The following GPC3 variants were observed in gnomAD, a reference collection of about 807,000 sequenced individuals.
GPC3 encodes glypican-3.
A neutral mutation model predicts 34.4 loss-of-function variants in GPC3; 3 were observed. The observed-to-expected ratio is 0.09, with a 90% CI of 0.04 to 0.23. The LOEUF (loss-of-function observed/expected upper bound fraction) is 0.23. Ranked by LOEUF, GPC3 falls within the 10% of genes least tolerant of loss-of-function variation. The pLI, the probability that GPC3 is intolerant of heterozygous loss-of-function variation, is 1.00. For synonymous variants in GPC3, 177 were observed against 174.0 expected, an observed-to-expected ratio of 1.02 and a Z score of -0.13; for missense variants, 351 against 445.6, an observed-to-expected ratio of 0.79 and a Z score of 1.91.
intron 6 of GPC3, among the ~76,000 whole-genome samples, chrX:133,631,527 G>C (rs1385858797): frequency 9.0e-6 from 1 of 111,599 alleles, no homozygotes; most frequent in Non-Finnish European, 1.9e-5. Flanking sequence ...CTGCTATTAT[G>C]CCAATAACTT....
chrX:133,945,378 G>A (rs758045839), intron 2 of GPC3, among the ~76,000 whole-genome samples: 55 of 110,976 alleles, frequency 5.0e-4, no homozygotes, highest in Non-Finnish European at 5.3e-4. Context: ...GCAACAGAGC[G>A]AGAATCTGTC....
intron 2 of GPC3, among the ~76,000 whole-genome samples, chrX:133,887,170 C>T (rs906125987): frequency 1.8e-4 from 20 of 112,001 alleles, no homozygotes; most frequent in African/African-American, 6.5e-4. Flanking sequence ...CCAGTCCTGG[C>T]TAATTTGTGT....
intron 2 of GPC3, among the ~76,000 whole-genome samples, chrX:133,777,221 C>T (rs1221358970): frequency 9.0e-6 from 1 of 110,823 alleles, no homozygotes; most frequent in Non-Finnish European, 1.9e-5. Flanking sequence ...GGTTTCAACC[C>T]CTCTTTCTCC....
chrX:133,820,666 G>A (rs1382728274), intron 2 of GPC3, among the ~76,000 whole-genome samples: 1 of 111,561 alleles, frequency 9.0e-6, no homozygotes, highest in African/African-American at 3.3e-5. Context: ...GAGAAAATGG[G>A]AGGAAGTCCA....
chrX:133,895,024 G>A (rs1182691889), intron 2 of GPC3, among the ~76,000 whole-genome samples: 1 of 112,305 alleles, frequency 8.9e-6, no homozygotes, highest in East Asian at 2.8e-4. Context: ...TATGCTAAGT[G>A]TTAAGGATAC....
At chrX:133,680,352 C>T (rs932246230) in intron 5 of GPC3, among the ~76,000 whole-genome samples, 3 of 111,544 alleles carry the variant, frequency 2.7e-5, no homozygotes, top group Admixed American at 9.5e-5. Context: ...GCTCTAGGCC[C>T]GAAGCTGTGA....
chrX:133,879,620 A>G (rs2076032540), intron 2 of GPC3, among the ~76,000 whole-genome samples: 2 of 110,488 alleles, frequency 1.8e-5, no homozygotes, highest in South Asian at 7.8e-4. Context: ...GCCTTGGCCA[A>G]CATGGTGAAA....
intron 6 of GPC3, among the ~76,000 whole-genome samples, chrX:133,641,487 A>C (rs769275798): frequency 9.0e-6 from 1 of 110,653 alleles, no homozygotes; most frequent in African/African-American, 3.3e-5. Flanking sequence ...GAAAAAAAAA[A>C]CGTCAGGAAA....
intron 1 of GPC3, among the ~76,000 whole-genome samples, chrX:133,954,969 G>C (rs771748753): frequency 2.5e-4 from 27 of 109,760 alleles, no homozygotes; most frequent in African/African-American, 8.3e-4. Flanking sequence ...GGCTGGTCTC[G>C]AACTCCTGCC....
At chrX:133,555,315 T>C (rs1270274110) in intron 7 of GPC3, among the ~76,000 whole-genome samples, 2 of 112,861 alleles carry the variant, frequency 1.8e-5, no homozygotes, top group African/African-American at 6.4e-5. Flanking sequence ...CAGGCTCTTT[T>C]GCCTCTGCTC....
intron 2 of GPC3, among the ~76,000 whole-genome samples, chrX:133,915,148 A>G (rs1468448158): frequency 9.2e-6 from 1 of 108,358 alleles, no homozygotes; most frequent in Non-Finnish European, 1.9e-5. Context: ...CACAACACCA[A>G]TTTAACAAAA....
At chrX:133,834,373 G>C (rs758045966) in intron 2 of GPC3, among the ~76,000 whole-genome samples, 7 of 111,970 alleles carry the variant, frequency 6.3e-5, no homozygotes, top group African/African-American at 2.3e-4. Flanking sequence ...AGTAGAGAGA[G>C]AGTACTAAGA....
intron 7 of GPC3, among the ~76,000 whole-genome samples, chrX:133,550,067 G>A (rs2069421952): frequency 9.1e-6 from 1 of 109,338 alleles, no homozygotes; most frequent in Non-Finnish European, 1.9e-5. Context: ...CCAGGCTGGA[G>A]TGCAATGGTG....
rs185305706 is a variant in GPC3, at chrX:133,776,369, C to T, written c.338-22193G>A. ...CCTTTTCCAGCACTACTTGGTCTGTCTCGTCTACGCATAGATCCACAGTGA... is the reference window on the plus strand; with the variant it reads ...CCTTTTCCAGCACTACTTGGTCTGTTTCGTCTACGCATAGATCCACAGTGA... On this transcript the variant is annotated intron_variant, in intron 2 of 7. Transcript: ENST00000370818. Among the ~76,000 whole-genome samples the T allele has an allele frequency of 2.7e-3, 298 of 111,054 alleles. 1 individual carries two copies. The highest frequency in any genetic ancestry group is 4.0e-3 in the Non-Finnish European group (214 of 53,018).
intron 6 of GPC3, among the ~76,000 whole-genome samples, chrX:133,656,755 G>C (rs751590904): frequency 9.0e-6 from 1 of 111,575 alleles, no homozygotes; most frequent in East Asian, 2.8e-4. Context: ...TGGGTGGGGG[G>C]AAGGGCAAGT....
chrX:133,977,846 T>G (rs1172154926), intron 1 of GPC3, among the ~76,000 whole-genome samples: 2 of 112,224 alleles, frequency 1.8e-5, no homozygotes, highest in Non-Finnish European at 3.8e-5. Context: ...CAGACAGAAA[T>G]TAAGAGAACT....
chrX:133,698,608 T>C (rs1274020235), intron 4 of GPC3, among the ~76,000 whole-genome samples: 1 of 112,146 alleles, frequency 8.9e-6, no homozygotes, highest in Non-Finnish European at 1.9e-5. Context: ...ACAATAGGGT[T>C]CCTTTGCAAT....
At chrX:133,564,645 C>T (rs1453353206) in intron 7 of GPC3, among the ~76,000 whole-genome samples, 2 of 111,346 alleles carry the variant, frequency 1.8e-5, no homozygotes, top group Non-Finnish European at 3.8e-5. Flanking sequence ...TATATAACTT[C>T]CCTGGGCCCT....
chrX:133,858,713 G>C (rs961117687), intron 2 of GPC3, among the ~76,000 whole-genome samples: 1 of 111,615 alleles, frequency 9.0e-6, no homozygotes, highest in African/African-American at 3.3e-5. Context: ...CATTTGGTTT[G>C]GGTTGGGGGG....
Sources: gnomAD v4.1 joint callset for allele counts (sites outside exome capture counted in the v4.1 genomes callset) on GRCh38, gnomAD v4.1.1 for gene constraint, MANE v1.5 for transcripts, NCBI Gene and HGNC (gene_info 2026-07-23, HGNC 2026-07-21) for gene names.